The following QSOX2 variants were observed in gnomAD, a reference collection of about 807,000 sequenced individuals.
QSOX2 encodes the protein sulfhydryl oxidase 2.
QSOX2 carries 46 observed loss-of-function variants against 61.7 expected under a neutral mutation model. The ratio of observed to expected loss-of-function variants is 0.75; its 90% CI spans 0.59 to 0.95. QSOX2 has a LOEUF of 0.95. QSOX2 is among the 40% of genes least tolerant of loss of function. QSOX2 has a pLI of 0.00. For synonymous variants in QSOX2, 383 were observed against 388.4 expected (o/e 0.99, Z 0.16); for missense variants, 879 against 918.9 (o/e 0.96, Z 0.56).
chr9:136,226,721 G>C (rs1459405042), intron 2 of QSOX2, 53 bp downstream of exon 2: 4 of 1,426,220 alleles, frequency 2.8e-6, no homozygotes, highest in Non-Finnish European at 4.0e-6. Context: ...TGCTCACCTG[G>C]AAGGTGGGGT....
chr9:136,238,563 G>A (rs1468248712), intron 1 of QSOX2, among the ~76,000 whole-genome samples: 1 of 152,174 alleles, frequency 6.6e-6, no homozygotes, highest in African/African-American at 2.4e-5. Context: ...CAAGCCCGGC[G>A]GGCAGCCTCC....
chr9:136,208,600 T>G lies in QSOX2; in HGVS notation c.*128A>C. ...AAACCAGGACTTTGAAGCCAAAAGGTGCCATCCGATGTGAAACCAGGCCCG... is the reference window on the plus strand; with the variant it reads ...AAACCAGGACTTTGAAGCCAAAAGGGGCCATCCGATGTGAAACCAGGCCCG... On this transcript the variant is annotated 3_prime_UTR_variant, in exon 12 of 12. Coordinates refer to ENST00000358701, the MANE Select transcript of QSOX2 (RefSeq NM_181701.4). The G allele has an allele frequency of 9.1e-7, 1 of 1,100,244 alleles. No individual in the cohort carries two copies. Among genetic ancestry groups the G allele is most frequent in the Non-Finnish European group, 1.2e-6 (1 of 800,260 alleles). 68.2% of individuals were successfully genotyped at this position (1,100,244 alleles called of 1,614,324 possible). A position where few individuals can be genotyped will look rare whatever the true frequency, so the allele number is the denominator to read the frequency against.
At chr9:136,240,666 G>A (rs1364674011) in intron 1 of QSOX2, among the ~76,000 whole-genome samples, 1 of 152,216 alleles carries the variant, frequency 6.6e-6, no homozygotes, top group Non-Finnish European at 1.5e-5. Context: ...CTAGCGACCA[G>A]GAGAGCCTAA....
Position 136,209,115 on chromosome 9 carries a change from C to G in QSOX2, c.1710G>C (p.Thr570=), listed in dbSNP as rs374752583. 8.7e-6 allele frequency: 14 copies of G among 1,614,064 alleles called. No individual in the cohort carries two copies. Among genetic ancestry groups the G allele is most frequent in the Non-Finnish European group, 1.1e-5 (13 of 1,180,028 alleles). Residue 570 remains threonine, a synonymous_variant, in exon 12 of 12, where the codon ACG becomes ACC. Coordinates refer to ENST00000358701, the MANE Select transcript of QSOX2 (RefSeq NM_181701.4). This position sits in a 1 kb window ranked among gnomAD's most constrained non-coding sequence, Gnocchi z 5.6. ...TGGAATCCCCCTGGTCTGCGGAATA[C>G]GTGTCTAAGAGGTTGTCGCGGCCAT... ...QHYGRDNLLD[T]YSADQGDSSE... is the part of the protein sequence containing the mutation.
chr9:136,245,346 A>C, intron 1 of QSOX2, 130 bp downstream of exon 1: 2 of 764,498 alleles, frequency 2.6e-6, no homozygotes, highest in Non-Finnish European at 4.1e-6. Context: ...TGGGGCAGGG[A>C]CTGGCTCTGC....
chr9:136,214,072 G>A (rs1415278795), intron 10 of QSOX2, among the ~76,000 whole-genome samples: 1 of 152,140 alleles, frequency 6.6e-6, no homozygotes, highest in Non-Finnish European at 1.5e-5. Flanking sequence ...GCGTTGAACT[G>A]TGTGAGTCAA....
At chr9:136,231,080 G>A (rs910091003) in intron 1 of QSOX2, among the ~76,000 whole-genome samples, 2 of 152,208 alleles carry the variant, frequency 1.3e-5, no homozygotes, top group Non-Finnish European at 2.9e-5. Flanking sequence ...GCCCTTTACA[G>A]TTGACAAAGC....
chr9:136,236,673 C>T (rs1830384903), intron 1 of QSOX2, among the ~76,000 whole-genome samples: 1 of 152,232 alleles, frequency 6.6e-6, no homozygotes, highest in Admixed American at 6.5e-5. Context: ...TGAAGCCCGT[C>T]CTGTGCCAGC....
At chr9:136,218,142 C>T (rs201534585) in intron 8 of QSOX2, among the ~76,000 whole-genome samples, 3 of 152,220 alleles carry the variant, frequency 2.0e-5, no homozygotes, top group East Asian at 3.9e-4. Flanking sequence ...CAGGCCTGAG[C>T]TCTGTTGGGT....
In QSOX2 at chr9:136,241,810, C is replaced by T. The variant is rs1056261948; in HGVS notation, c.328+3666G>A. ...TGAGGGCAGGTCTAGGAGGACTCAG[C>T]CTGTTGTGGGTGGTGGCCTGCCCTG... On this transcript the variant is annotated intron_variant, in intron 1 of 11. Coordinates refer to ENST00000358701, the MANE Select transcript of QSOX2 (RefSeq NM_181701.4). Among the ~76,000 whole-genome samples the T allele has an allele frequency of 1.2e-4, 19 of 152,212 alleles. 1 individual carries two copies. Among genetic ancestry groups the T allele is most frequent in the Admixed American group, 1.2e-3 (18 of 15,282 alleles).
chr9:136,217,618 T>C (rs915841295), intron 8 of QSOX2, among the ~76,000 whole-genome samples: 4 of 152,082 alleles, frequency 2.6e-5, no homozygotes, highest in Non-Finnish European at 4.4e-5. Context: ...GCCTCAGGAG[T>C]TGCCCAGAGC....
At chr9:136,237,763 C>T (rs968879684) in intron 1 of QSOX2, among the ~76,000 whole-genome samples, 22 of 152,248 alleles carry the variant, frequency 1.4e-4, no homozygotes, top group Admixed American at 7.8e-4. Flanking sequence ...GGAGCCCATC[C>T]TGTGCCAGTG....
At chr9:136,227,022 G>A in intron 1 of QSOX2, 148 bp from the exon 2 acceptor site, 2 of 658,430 alleles carry the variant, frequency 3.0e-6, no homozygotes, top group Non-Finnish European at 2.8e-6. Flanking sequence ...TCATCACACA[G>A]AGCGTCTATG....
At chr9:136,227,025 C>A (rs1036000763) in intron 1 of QSOX2, 151 bp from the exon 2 acceptor site, 3 of 652,808 alleles carry the variant, frequency 4.6e-6, no homozygotes, top group African/African-American at 3.6e-5. Flanking sequence ...TCACACAGAG[C>A]GTCTATGTGG....
At chr9:136,213,398 T>A (rs1480406805) in intron 10 of QSOX2, among the ~76,000 whole-genome samples, 1 of 151,976 alleles carries the variant, frequency 6.6e-6, no homozygotes, top group Non-Finnish European at 1.5e-5. Flanking sequence ...TGGCTGGGCA[T>A]TCGGTCGGAA....
intron 1 of QSOX2, among the ~76,000 whole-genome samples, chr9:136,232,251 G>A (rs1830338372): frequency 2.0e-5 from 3 of 152,140 alleles, no homozygotes; most frequent in South Asian, 2.1e-4. Context: ...AGCGCTTTCC[G>A]CACAGGGCAG....
intron 10 of QSOX2, among the ~76,000 whole-genome samples, chr9:136,211,840 A>G (rs1013577076): frequency 6.6e-6 from 1 of 152,086 alleles, no homozygotes; most frequent in Non-Finnish European, 1.5e-5. Context: ...CTTCCCCGGG[A>G]TTTGCCAGCT....
At chr9:136,241,103 C>G (rs1390125792) in intron 1 of QSOX2, among the ~76,000 whole-genome samples, 1 of 152,140 alleles carries the variant, frequency 6.6e-6, no homozygotes, top group Non-Finnish European at 1.5e-5. Context: ...CAACCACAGC[C>G]ACTGGGGAGG....
chr9:136,226,607 C>T (rs1045892681), intron 2 of QSOX2, among the ~76,000 whole-genome samples, 167 bp downstream of exon 2: 19 of 152,296 alleles, frequency 1.2e-4, no homozygotes, highest in African/African-American at 4.3e-4. Context: ...CCCCACCAAA[C>T]ATCAGCTCCT....
Sources: gnomAD v4.1 joint callset for allele counts (sites outside exome capture counted in the v4.1 genomes callset) on GRCh38, gnomAD v4.1.1 for gene constraint, Gnocchi (gnomAD v3.1) non-coding constraint, MANE v1.5 for transcripts, NCBI Gene and HGNC (gene_info 2026-07-23, HGNC 2026-07-21) for gene names.